TXNL4B: variants seen among roughly 807,000 people sequenced by gnomAD.
TXNL4B encodes thioredoxin like 4B, also known as thioredoxin-like protein 4B.
In TXNL4B, 12 loss-of-function variants were observed where a neutral mutation model predicts 13.0. That is an observed-to-expected ratio of 0.92 (90% confidence interval 0.59 to 1.49). The LOEUF (loss-of-function observed/expected upper bound fraction) is 1.49, where lower values mean the gene tolerates loss of function less well. TXNL4B is among the 40% of genes most tolerant of loss of function. The pLI is 0.00. For synonymous variants in TXNL4B, 59 were observed against 58.9 expected (o/e 1.00, Z -0.01); for missense variants, 214 against 173.6 (o/e 1.23, Z -1.31).
chr16:72,086,588 A>G lies in TXNL4B; in HGVS notation c.*49T>C. 6.5e-7 allele frequency: 1 copy of G among 1,528,494 alleles called. No individual in the cohort carries two copies. The highest frequency in any genetic ancestry group is 1.4e-5 in the African/African-American group (1 of 73,312). 94.7% of individuals were successfully genotyped at this position (1,528,494 alleles called of 1,614,324 possible). Reference sequence around the variant, plus strand: ...AAACACAGCACAGCTGGATTCAGGTACTGTGTCAAGATGTGCCTTCTTCTT... The same window carrying G: ...AAACACAGCACAGCTGGATTCAGGTGCTGTGTCAAGATGTGCCTTCTTCTT... On this transcript the variant is annotated 3_prime_UTR_variant, in exon 4 of 4. Coordinates refer to ENST00000268483, the MANE Select transcript of TXNL4B (RefSeq NM_017853.3).
intron 2 of TXNL4B, 70 bp downstream of exon 2, chr16:72,090,548 A>G (rs2144106478): frequency 6.6e-7 from 1 of 1,520,660 alleles, no homozygotes; most frequent in East Asian, 2.3e-5. Context: ...CCTCTCATGT[A>G]CTACTCAGAT....
Position 72,085,883 on chromosome 16 carries a change from G to C in TXNL4B, c.*754C>G, listed in dbSNP as rs934937992. ...CTGGGCATGGTGGCGGGCGCCTGTA[G>C]TCCCAGCTACTCAGGAGGCTGAAGC... On this transcript the variant is annotated 3_prime_UTR_variant, in exon 4 of 4. Coordinates refer to ENST00000268483, the MANE Select transcript of TXNL4B (RefSeq NM_017853.3). The C allele has an allele frequency of 6.6e-6, 1 of 151,890 alleles. No individual in the cohort carries two copies. The highest frequency in any genetic ancestry group is 2.4e-5 in the African/African-American group (1 of 41,290). 9.4% of individuals were successfully genotyped at this position (151,890 alleles called of 1,614,324 possible).
intron 1 of TXNL4B, among the ~76,000 whole-genome samples, chr16:72,091,063 T>C (rs1316928679): frequency 6.6e-6 from 1 of 152,188 alleles, no homozygotes; most frequent in Non-Finnish European, 1.5e-5. Flanking sequence ...TGCGTTCCGA[T>C]ATTTTTTTTC....
Position 72,086,648 on chromosome 16 carries a change from G to C in TXNL4B, c.439C>G (p.Gln147Glu). The change falls in exon 4 of 4, where the codon CAA becomes GAA. Residue 147 changes from glutamine (Q) to glutamate (E), a missense_variant. Transcript: ENST00000268483. ...CAGCAATTAATGTACTAAATGTCTT[G>C]ATAGAGAAGGTCATATTTGGGAATA... ...KNIPKYDLLY[Q>E]DI The C allele has an allele frequency of 6.2e-7, 1 of 1,612,762 alleles. No homozygotes were observed. The highest frequency in any genetic ancestry group is 8.5e-7 in the Non-Finnish European group (1 of 1,178,906).
intron 3 of TXNL4B, among the ~76,000 whole-genome samples, chr16:72,088,055 A>G (rs8058608): frequency 0.5 from 75,670 of 151,606 alleles, 20,735 homozygotes; most frequent in African/African-American, 0.74. Context: ...TGCTGACCTC[A>G]TAATCTGCCT....
intron 1 of TXNL4B, 65 bp from the exon 2 acceptor site, chr16:72,090,851 A>T: frequency 7.5e-7 from 1 of 1,329,804 alleles, no homozygotes; most frequent in Non-Finnish European, 1.0e-6. Flanking sequence ...ATTAAAAAAA[A>T]TTAATTCACA....
Position 72,086,620 on chromosome 16 carries a change from T to C in TXNL4B, c.*17A>G, listed in dbSNP as rs2041826518. 1.2e-6 allele frequency: 2 copies of C among 1,602,924 alleles called. No homozygotes were observed. Among genetic ancestry groups the C allele is most frequent in the Non-Finnish European group, 1.7e-6 (2 of 1,170,944 alleles). ...CAAGATGTGCCTTCTTCTTCATCTT[T>C]GACAGCAATTAATGTACTAAATGTC... is the stretch of plus-strand genomic sequence containing the variant. On this transcript the variant is annotated 3_prime_UTR_variant, in exon 4 of 4. Coordinates refer to ENST00000268483, the MANE Select transcript of TXNL4B (RefSeq NM_017853.3).
At position 72,089,033 on chromosome 16, in the gene TXNL4B, A is replaced by G. The variant is rs1301363867; in HGVS notation, c.238T>C (p.Ser80Pro). The G allele has an allele frequency of 6.2e-6, 10 of 1,610,436 alleles. No homozygotes were observed. Among genetic ancestry groups the G allele is most frequent in the Admixed American group, 1.7e-5 (1 of 59,892 alleles). Reference sequence around the variant, plus strand: ...TGCCCATTGAAGAAAAAGACAGTAGATGGAATATAACTGATGTCAAAATAC... The same window carrying G: ...TGCCCATTGAAGAAAAAGACAGTAGGTGGAATATAACTGATGTCAAAATAC... Reference protein sequence around the residue: ...TQYFDISYIPSTVFFFNGQHM... With the variant: ...TQYFDISYIPPTVFFFNGQHM... The change falls in exon 3 of 4, where the codon TCT becomes CCT. Residue 80 changes from serine to proline, a missense_variant. By Grantham distance (74) the Ser-to-Pro change is moderately conservative. Coordinates refer to ENST00000268483, the MANE Select transcript of TXNL4B (RefSeq NM_017853.3).
chr16:72,088,416 T>C (rs8182209), intron 3 of TXNL4B, among the ~76,000 whole-genome samples: 4 of 152,226 alleles, frequency 2.6e-5, no homozygotes, highest in African/African-American at 7.2e-5. Context: ...GAGATGGTAA[T>C]TGGATGGAGT....
Position 72,090,653 on chromosome 16 carries a change from C to G in TXNL4B, c.97G>C (p.Asp33His), listed in dbSNP as rs751426685. ...AGCTGCAGACAGACAGGATCTTCAT[C>G]TCTCCCAAACCTGAGAACCAACACC... ...EKVLVLRFGR[D>H]EDPVCLQLDD... Residue 33 changes from aspartate (D) to histidine (H), a missense_variant, in exon 2 of 4, where the codon GAT becomes CAT. By Grantham distance (81) the Asp-to-His change is moderately conservative. Coordinates refer to ENST00000268483, the MANE Select transcript of TXNL4B (RefSeq NM_017853.3). 36 of 1,614,152 alleles carry G rather than the reference C, an allele frequency of 2.2e-5. No homozygotes were observed. The highest frequency in any genetic ancestry group is 3.0e-5 in the Non-Finnish European group (35 of 1,180,022).
chr16:72,085,174 T>C lies in TXNL4B; in HGVS notation c.*1463A>G. 1 of 396,186 alleles carries C rather than the reference T, an allele frequency of 2.5e-6. No homozygotes were observed. Among genetic ancestry groups the C allele is most frequent in the Non-Finnish European group, 4.4e-6 (1 of 225,162 alleles). The allele number at this position is 396,186 out of a possible 1,614,324, so 24.5% of individuals were successfully genotyped here. ...GCAGTGCCTGGCAGCCTTCCCTCTC[T>C]CCTGTATGAGCCAAAAGCAAGACTC... On this transcript the variant is annotated 3_prime_UTR_variant, in exon 4 of 4. Transcript: ENST00000268483.
chr16:72,090,275 G>GT (rs991311344), intron 2 of TXNL4B: 6,043 of 343,022 alleles, frequency 0.018, 1 homozygote, highest in South Asian at 0.026. Flanking sequence ...GACCTCTCTG[G>GT]TTTTTTTTTT....
rs2041806155 is a variant in TXNL4B at position 72,085,248 on chromosome 16, G to C, written c.*1389C>G. The C allele has an allele frequency of 2.7e-6, 1 of 371,964 alleles. No homozygotes were observed. The highest frequency in any genetic ancestry group is 4.8e-6 in the Non-Finnish European group (1 of 210,086). The allele number at this position is 371,964 out of a possible 1,614,324, so 23.0% of individuals were successfully genotyped here. On this transcript the variant is annotated 3_prime_UTR_variant, in exon 4 of 4. Transcript: ENST00000268483. ...GGGGTGGAATGGAGCCCCTGGCAAA[G>C]GGGGCTGGACTTGCAGTGACAGTGC...
rs1473051900 is a variant in TXNL4B at position 72,086,544 on chromosome 16, T to C, written c.*93A>G. ...CAAACCTCTTCTCCTCTGGGACACA[T>C]GTTTCCAAAGGACTCCAGAAACACA... On this transcript the variant is annotated 3_prime_UTR_variant, in exon 4 of 4. Transcript: ENST00000268483. 1.8e-4 allele frequency: 230 copies of C among 1,253,242 alleles called. 1 individual carries two copies. The South Asian group carries it at 3.2e-3, about 18-fold the overall frequency. The allele number at this position is 1,253,242 out of a possible 1,614,324, so 77.6% of individuals were successfully genotyped here.
At chr16:72,090,546 G>T in intron 2 of TXNL4B, 72 bp downstream of exon 2, 1 of 1,510,604 alleles carries the variant, frequency 6.6e-7, no homozygotes, top group Non-Finnish European at 9.1e-7. Context: ...TCCCTCTCAT[G>T]TACTACTCAG....
Position 72,089,004 on chromosome 16 carries a change from A to T in TXNL4B, c.267T>A (p.His89Gln), listed in dbSNP as rs1421786635. 1.9e-6 allele frequency: 3 copies of T among 1,610,654 alleles called. No individual in the cohort carries two copies. The highest frequency in any genetic ancestry group is 1.7e-6 in the Non-Finnish European group (2 of 1,177,420). Residue 89 changes from histidine to glutamine, a missense_variant, in exon 3 of 4, where the codon CAT becomes CAA. His to Gln is a conservative substitution (Grantham distance 24). Coordinates refer to ENST00000268483, the MANE Select transcript of TXNL4B (RefSeq NM_017853.3). ...GCACTTACCCATAATCCACTTTCAT[A>T]TGCTGCCCATTGAAGAAAAAGACAG... ...PSTVFFFNGQ[H>Q]MKVDYGSPDH...
chr16:72,090,531 A>T, intron 2 of TXNL4B, 87 bp downstream of exon 2: 1 of 1,387,934 alleles, frequency 7.2e-7, no homozygotes, highest in Non-Finnish European at 1.0e-6. Context: ...CCCAACCCTG[A>T]CTACTCCCTC....
chr16:72,090,114 G>A (rs1033524313), intron 2 of TXNL4B: 12 of 455,948 alleles, frequency 2.6e-5, no homozygotes, highest in Admixed American at 9.4e-5. Flanking sequence ...TAGAAATGGC[G>A]GTAAGAGGTC....
At chr16:72,091,072 T>C (rs1385575436) in intron 1 of TXNL4B, among the ~76,000 whole-genome samples, 3 of 152,152 alleles carry the variant, frequency 2.0e-5, no homozygotes, top group Admixed American at 2.0e-4. Context: ...ATATTTTTTT[T>C]CTCTCTCTCC....
Sources: gnomAD v4.1 joint callset for allele counts (sites outside exome capture counted in the v4.1 genomes callset) on GRCh38, gnomAD v4.1.1 for gene constraint, MANE v1.5 for transcripts, NCBI Gene and HGNC (gene_info 2026-07-23, HGNC 2026-07-21) for gene names.